GPHN: variants seen among roughly 807,000 people sequenced by gnomAD.
GPHN encodes the protein gephyrin.
In GPHN, 17 loss-of-function variants were observed where a neutral mutation model predicts 95.5. The observed-to-expected ratio is 0.18, with a 90% CI of 0.12 to 0.27. The LOEUF (loss-of-function observed/expected upper bound fraction) is 0.27. Among genes scored for constraint, GPHN ranks in the 10% least tolerant of loss-of-function variants. The pLI, the probability that GPHN is intolerant of heterozygous loss-of-function variation, is 1.00. For synonymous variants in GPHN, 320 were observed against 322.5 expected, an observed-to-expected ratio of 0.99 and a Z score of 0.08; for missense variants, 660 against 978.1, an observed-to-expected ratio of 0.67 and a Z score of 4.34.
chr14:67,008,542 T>C (rs1215334235), intron 9 of GPHN, among the ~76,000 whole-genome samples: 1 of 151,684 alleles, frequency 6.6e-6, no homozygotes, highest in Non-Finnish European at 1.5e-5. Flanking sequence ...TTTTAAAATT[T>C]ATTTATTTAT....
chr14:66,842,506 T>C (rs1419572148), intron 4 of GPHN, among the ~76,000 whole-genome samples: 1 of 152,096 alleles, frequency 6.6e-6, no homozygotes, highest in African/African-American at 2.4e-5. Context: ...AATGATGGGG[T>C]GAGGGCTGCC....
rs114315060 is a variant in GPHN, at chr14:67,172,105, T to G, written c.2079+3069T>G. Among the ~76,000 whole-genome samples the G allele has an allele frequency of 2.9e-3, 445 of 152,270 alleles. 3 individuals carry two copies. Among genetic ancestry groups the G allele is most frequent in the African/African-American group, 9.9e-3 (412 of 41,536 alleles). On this transcript the variant is annotated intron_variant, in intron 21 of 22. Coordinates refer to ENST00000478722, the MANE Select transcript of GPHN (RefSeq NM_020806.5). ...TTGGAACTATGGCTAGAGTTTTTCT[T>G]GCTCTGGGAGCAAGTAGTCACAGCA...
the GPHN span, among the ~76,000 whole-genome samples, chr14:67,409,703 C>A: frequency 2.0e-5 from 3 of 152,174 alleles, no homozygotes; most frequent in Admixed American, 2.0e-4. Context: ...CATGTCCCTG[C>A]CTGTCTCTGG....
chr14:67,724,569 G>C, the GPHN span: 2 of 1,613,614 alleles, frequency 1.2e-6, no homozygotes, highest in South Asian at 2.2e-5. Flanking sequence ...GCAAGGAGAC[G>C]GCCAGAGAGC....
chr14:67,309,860 G>C, the GPHN span, among the ~76,000 whole-genome samples: 1 of 152,078 alleles, frequency 6.6e-6, no homozygotes, highest in African/African-American at 2.4e-5. Context: ...TACTGGGTAG[G>C]CTTTCAGAAA....
the GPHN span, chr14:67,302,474 C>G: frequency 6.3e-7 from 1 of 1,599,234 alleles, no homozygotes; most frequent in Non-Finnish European, 8.5e-7. Flanking sequence ...GGGGGTGCTG[C>G]AGAGAAAAGT....
At chr14:66,957,232 G>GTCTCCTAGGCTGAAGTGCAGTGGCACAA (rs1176083638) in intron 8 of GPHN, among the ~76,000 whole-genome samples, 4 of 107,694 alleles carry the variant, frequency 3.7e-5, no homozygotes, top group Non-Finnish European at 6.7e-5. Context: ...GTCTCGCTCT[G>GTCTCCTAGGCTGAAGTGCAGTGGCACAA]TCTCCTAGGC....
intron 1 of GPHN, among the ~76,000 whole-genome samples, chr14:66,570,152 A>G (rs2060623962): frequency 6.6e-6 from 1 of 152,146 alleles, no homozygotes; most frequent in Admixed American, 6.5e-5. Context: ...ATAGTCTTCC[A>G]ATGTATATGT....
chr14:67,197,717 C>T, the GPHN span, among the ~76,000 whole-genome samples: 1 of 152,072 alleles, frequency 6.6e-6, no homozygotes, highest in Non-Finnish European at 1.5e-5. Flanking sequence ...GAGAATCCTG[C>T]ATGATGAAGA....
the GPHN span, among the ~76,000 whole-genome samples, chr14:67,551,549 G>T: frequency 6.6e-6 from 1 of 152,118 alleles, no homozygotes. Flanking sequence ...AGTCAGTGAG[G>T]TTCCACTGCC....
the GPHN span, chr14:67,292,819 G>C: frequency 1.1e-6 from 1 of 882,054 alleles, no homozygotes; most frequent in African/African-American, 1.7e-5. Flanking sequence ...AGATTTGTTT[G>C]AATTAATTAC....
At chr14:66,748,456 G>A (rs116355552) in intron 2 of GPHN, among the ~76,000 whole-genome samples, 340 of 151,944 alleles carry the variant, frequency 2.2e-3, no homozygotes, top group African/African-American at 7.7e-3. Flanking sequence ...TACATGCATA[G>A]CCTCCCCCAT....
chr14:66,822,550 T>C (rs1182643593), intron 3 of GPHN, among the ~76,000 whole-genome samples: 1 of 152,202 alleles, frequency 6.6e-6, no homozygotes, highest in Non-Finnish European at 1.5e-5. Context: ...TTTTAACTTT[T>C]AACACTTAAT....
the GPHN span, among the ~76,000 whole-genome samples, chr14:67,689,926 CAG>C: frequency 6.6e-6 from 1 of 151,162 alleles, no homozygotes; most frequent in Non-Finnish European, 1.5e-5. Flanking sequence ...GCATGGGTGA[CAG>C]AGCAAGATCC....
At chr14:66,596,487 C>T (rs1290242336) in intron 1 of GPHN, among the ~76,000 whole-genome samples, 2 of 152,188 alleles carry the variant, frequency 1.3e-5, no homozygotes, top group African/African-American at 4.8e-5. Flanking sequence ...CTCTTAGCCC[C>T]CTGTCAGCCT....
In GPHN at chr14:66,713,755, T is replaced by A. The variant is rs113736947; in HGVS notation, c.143+32570T>A. 3.7e-3 allele frequency among the ~76,000 whole-genome samples: 550 copies of A among 149,682 alleles called. 12 individuals carry two copies. Among genetic ancestry groups the A allele is most frequent in the African/African-American group, 0.013 (523 of 39,892 alleles). ...GTCATTTTCTTTGTTGTTTTTTTTT[T>A]ATTTGTTTGTTTGTTTGTTTATTTT... On this transcript the variant is annotated intron_variant, in intron 2 of 22. Transcript: ENST00000478722.
the GPHN span, chr14:67,600,337 G>C: frequency 2.7e-6 from 2 of 737,022 alleles, no homozygotes; most frequent in Non-Finnish European, 4.1e-6. Context: ...AGCCTCAGTT[G>C]CGCGCCGAGA....
chr14:66,973,205 C>CTTTATGTA (rs201488970), intron 9 of GPHN, among the ~76,000 whole-genome samples: 2,299 of 152,200 alleles, frequency 0.015, 32 homozygotes, highest in Non-Finnish European at 0.018. Flanking sequence ...AGATCTGATC[C>CTTTATGTA]AATGACTACC....
At chr14:67,550,919 C>T in the GPHN span, among the ~76,000 whole-genome samples, 9 of 152,208 alleles carry the variant, frequency 5.9e-5, no homozygotes, top group African/African-American at 2.2e-4. Context: ...GAGATACTAA[C>T]AGTACCTGCC....
Sources: allele counts gnomAD v4.1 joint callset (sites outside exome capture counted in the v4.1 genomes callset), GRCh38; gene constraint gnomAD v4.1.1; transcripts MANE v1.5; gene names NCBI Gene and HGNC (gene_info 2026-07-23, HGNC 2026-07-21).